ELMO1: variants seen among roughly 807,000 people sequenced by gnomAD.
ELMO1 encodes engulfment and cell motility 1.
A neutral mutation model predicts 98.9 loss-of-function variants in ELMO1; 26 were observed. The ratio of observed to expected loss-of-function variants is 0.26; its 90% confidence interval spans 0.19 to 0.36. The LOEUF (loss-of-function observed/expected upper bound fraction) is 0.36. Ranked by LOEUF, ELMO1 falls within the 10% of genes least tolerant of loss-of-function variation. ELMO1 has a pLI of 1.00. For synonymous variants in ELMO1, 346 were observed against 346.0 expected (o/e 1.00, Z 0.00); for missense variants, 627 against 935.2 (o/e 0.67, Z 4.30).
At chr7:37,224,747 G>A (rs1793774244) in intron 9 of ELMO1, 132 bp downstream of exon 9, 1 of 1,337,868 alleles carries the variant, frequency 7.5e-7, no homozygotes, top group African/African-American at 1.5e-5. Context: ...ACGTGGTTTG[G>A]TTATATGCCA....
intron 16 of ELMO1, among the ~76,000 whole-genome samples, chr7:36,981,007 A>G (rs547692894): frequency 5.3e-5 from 8 of 152,148 alleles, no homozygotes; most frequent in Middle Eastern, 3.4e-3. Context: ...TTCTGTCCAA[A>G]ATGCAGGAAA....
intron 1 of ELMO1, among the ~76,000 whole-genome samples, chr7:37,417,586 C>T (rs1804279045): frequency 6.6e-6 from 1 of 151,956 alleles, no homozygotes; most frequent in Admixed American, 6.6e-5. Context: ...ATGGCATGAA[C>T]CCAGGAGGCG....
chr7:37,448,431 C>A (rs1357147062), intron 1 of ELMO1, among the ~76,000 whole-genome samples: 1 of 152,070 alleles, frequency 6.6e-6, no homozygotes, highest in East Asian at 1.9e-4. Flanking sequence ...TCCCGCCATC[C>A]CCGGAGCTCA....
chr7:37,330,399 CTG>C (rs1470439895), intron 2 of ELMO1, among the ~76,000 whole-genome samples: 8 of 152,128 alleles, frequency 5.3e-5, no homozygotes, highest in Admixed American at 4.6e-4. Flanking sequence ...TAGAGTTACT[CTG>C]TGTTTTATTG....
At chr7:36,924,122 TG>T (rs1785353734) in intron 16 of ELMO1, among the ~76,000 whole-genome samples, 1 of 152,300 alleles carries the variant, frequency 6.6e-6, no homozygotes, top group African/African-American at 2.4e-5. Context: ...AAATACCACT[TG>T]TTTCAACCAC....
At chr7:37,025,516 G>A (rs1794516073) in intron 15 of ELMO1, among the ~76,000 whole-genome samples, 1 of 152,184 alleles carries the variant, frequency 6.6e-6, no homozygotes, top group South Asian at 2.1e-4. Context: ...TTCCCAAGGT[G>A]TGTGGGTAAC....
At chr7:37,203,087 A>G (rs1792391575) in intron 13 of ELMO1, among the ~76,000 whole-genome samples, 1 of 152,234 alleles carries the variant, frequency 6.6e-6, no homozygotes, top group Non-Finnish European at 1.5e-5. Flanking sequence ...ATGCAGCAGC[A>G]GAAACACTAG....
At chr7:37,337,399 A>G (rs1056561975) in intron 2 of ELMO1, among the ~76,000 whole-genome samples, 2 of 152,054 alleles carry the variant, frequency 1.3e-5, no homozygotes, top group African/African-American at 4.8e-5. Flanking sequence ...GGGGGGAGGG[A>G]TAGCATTAGG....
At chr7:37,125,506 C>T (rs1786441371) in intron 14 of ELMO1, among the ~76,000 whole-genome samples, 1 of 152,198 alleles carries the variant, frequency 6.6e-6, no homozygotes, top group Admixed American at 6.5e-5. Flanking sequence ...CAAAAGAAGA[C>T]ATTTATGCAG....
chr7:36,854,192 G>A lies in ELMO1; in HGVS notation c.*1359C>T, dbSNP rs148765638. On this transcript the variant is annotated 3_prime_UTR_variant, in exon 22 of 22. Coordinates refer to ENST00000310758, the MANE Select transcript of ELMO1 (RefSeq NM_014800.11). The stretch of plus-strand genomic sequence containing the variant: ...GAGCCTATGGTGACCTAGCAATGGT[G>A]GAGGGTTTCCCACAGCAGTGTTTTT... Among the ~76,000 whole-genome samples, 1 of 152,250 alleles carries A rather than the reference G, an allele frequency of 6.6e-6. No homozygotes were observed. The highest frequency in any genetic ancestry group is 1.5e-5 in the Non-Finnish European group (1 of 68,020).
At chr7:37,350,494 C>G (rs571863244) in intron 1 of ELMO1, among the ~76,000 whole-genome samples, 1 of 152,278 alleles carries the variant, frequency 6.6e-6, no homozygotes, top group Admixed American at 6.5e-5. Flanking sequence ...GGCTGGGCAC[C>G]GTGGACACGC....
At chr7:37,323,218 G>T (rs1385715192) in intron 2 of ELMO1, among the ~76,000 whole-genome samples, 2 of 152,144 alleles carry the variant, frequency 1.3e-5, no homozygotes, top group African/African-American at 4.8e-5. Flanking sequence ...GAATCTGACT[G>T]GCAAAGTACC....
intron 14 of ELMO1, among the ~76,000 whole-genome samples, chr7:37,122,677 A>T (rs993866502): frequency 1.3e-5 from 2 of 152,196 alleles, no homozygotes; most frequent in Admixed American, 6.5e-5. Context: ...CTCCCACACA[A>T]TAATAATGGG....
At chr7:37,179,807 A>C (rs1337600661) in intron 13 of ELMO1, among the ~76,000 whole-genome samples, 1 of 152,176 alleles carries the variant, frequency 6.6e-6, no homozygotes, top group Non-Finnish European at 1.5e-5. Context: ...GAGATTGTCA[A>C]TTTATTCTCA....
intron 15 of ELMO1, among the ~76,000 whole-genome samples, chr7:37,095,516 A>T (rs982703238): frequency 6.6e-6 from 1 of 152,236 alleles, no homozygotes; most frequent in Non-Finnish European, 1.5e-5. Context: ...CTACTGTTCT[A>T]ATGCAAAAAT....
intron 1 of ELMO1, among the ~76,000 whole-genome samples, chr7:37,429,053 G>A (rs1972685): frequency 8.5e-4 from 118 of 139,054 alleles, no homozygotes; most frequent in Middle Eastern, 3.6e-3. Context: ...TGTTGTTGTT[G>A]TTATTTTTTC....
intron 1 of ELMO1, among the ~76,000 whole-genome samples, chr7:37,358,753 T>G (rs1801589298): frequency 1.3e-5 from 2 of 152,160 alleles, no homozygotes; most frequent in African/African-American, 2.4e-5. Flanking sequence ...CAGACAGACC[T>G]GGACTGGAAT....
At chr7:36,998,147 T>C (rs900336615) in intron 16 of ELMO1, among the ~76,000 whole-genome samples, 2 of 152,158 alleles carry the variant, frequency 1.3e-5, no homozygotes, top group South Asian at 4.1e-4. Flanking sequence ...AGGATGCGAA[T>C]AGCATGAAGG....
At chr7:36,966,939 G>A (rs986221026) in intron 16 of ELMO1, among the ~76,000 whole-genome samples, 1 of 152,210 alleles carries the variant, frequency 6.6e-6, no homozygotes, top group African/African-American at 2.4e-5. Flanking sequence ...CAAATTTCAC[G>A]TATAGGGGAT....
Sources: gnomAD v4.1 joint callset for allele counts (sites outside exome capture counted in the v4.1 genomes callset) on GRCh38, gnomAD v4.1.1 for gene constraint, MANE v1.5 for transcripts, NCBI Gene and HGNC (gene_info 2026-07-23, HGNC 2026-07-21) for gene names.